CYP4Z1: variants seen among roughly 807,000 people sequenced by gnomAD.
CYP4Z1 encodes the protein cytochrome P450 4Z1.
A neutral mutation model predicts 54.2 loss-of-function variants in CYP4Z1; 41 were observed. The observed-to-expected ratio is 0.76, with a 90% confidence interval of 0.59 to 0.98. The LOEUF is 0.98. Among genes scored for constraint, CYP4Z1 ranks in the 50% least tolerant of loss-of-function variants. CYP4Z1 has a pLI of 0.00. For synonymous variants in CYP4Z1, 163 were observed against 206.2 expected (o/e 0.79, Z 1.79); for missense variants, 513 against 599.0 (o/e 0.86, Z 1.50).
In CYP4Z1 at chr1:47,116,656, A is replaced by C; in HGVS notation, c.1273A>C (p.Asn425His). 6.2e-7 allele frequency: 1 copy of C among 1,606,168 alleles called. No individual in the cohort carries two copies. Among genetic ancestry groups the C allele is most frequent in the Non-Finnish European group, 8.5e-7 (1 of 1,173,492 alleles). Residue 425 changes from asparagine to histidine, a missense_variant, in exon 11 of 12, where the codon AAC becomes CAC. Transcript: ENST00000334194. The stretch of plus-strand genomic sequence containing the variant: ...ATCTTCACTCTCATTACAGGTCTTT[A>C]ACCCCTTGAGATTCTCCAGGGAAAA... ...PYFWEDPQVF[N>H]PLRFSRENSE...
At chr1:47,114,562 C>T (rs61165610) in intron 9 of CYP4Z1, among the ~76,000 whole-genome samples, 11,054 of 152,114 alleles carry the variant, frequency 0.073, 537 homozygotes, top group East Asian at 0.26. Flanking sequence ...AAAGGGCTAA[C>T]ATCCAGAATC....
Position 47,087,749 on chromosome 1 carries a change from G to C in CYP4Z1, c.772+2771G>C, listed in dbSNP as rs1644607694. ...ACACTACATTGAATAGGAGTGGTGA[G>C]AGAGGGCATCCCTGTCTTGTGCCAG... On this transcript the variant is annotated intron_variant, in intron 6 of 11. Coordinates refer to ENST00000334194, the MANE Select transcript of CYP4Z1 (RefSeq NM_178134.3). Among the ~76,000 whole-genome samples, 3 of 152,228 alleles carry C rather than the reference G, an allele frequency of 2.0e-5. 1 individual carries two copies. The South Asian group carries it at 6.2e-4, about 32-fold the overall frequency.
At chr1:47,068,121 A>G (rs1410749980) in intron 1 of CYP4Z1, among the ~76,000 whole-genome samples, 2 of 152,214 alleles carry the variant, frequency 1.3e-5, no homozygotes, top group African/African-American at 4.8e-5. Flanking sequence ...AAAGGAGTAA[A>G]AGGCATGTGA....
At chr1:47,094,965 A>C (rs1273630696) in intron 7 of CYP4Z1, among the ~76,000 whole-genome samples, 2 of 151,828 alleles carry the variant, frequency 1.3e-5, no homozygotes, top group Non-Finnish European at 2.9e-5. Context: ...TGTCTCAAAA[A>C]ATAAATAAAT....
chr1:47,064,792 G>C (rs1644441339), upstream of CYP4Z1, among the ~76,000 whole-genome samples: 1 of 152,154 alleles, frequency 6.6e-6, no homozygotes, highest in Non-Finnish European at 1.5e-5. Context: ...AATTTCTGCT[G>C]TCTTCAGGAG....
At chr1:47,069,475 C>T (rs1442395956) in intron 2 of CYP4Z1, among the ~76,000 whole-genome samples, 1 of 151,994 alleles carries the variant, frequency 6.6e-6, no homozygotes, top group African/African-American at 2.4e-5. Flanking sequence ...GGCACTCTGC[C>T]AGAATCACCA....
chr1:47,104,183 C>A (rs1471140677), intron 8 of CYP4Z1, among the ~76,000 whole-genome samples: 1 of 152,128 alleles, frequency 6.6e-6, no homozygotes, highest in African/African-American at 2.4e-5. Flanking sequence ...TGGGCATGTG[C>A]AGTAGTGTAA....
chr1:47,095,198 C>T (rs1235900210), intron 7 of CYP4Z1, among the ~76,000 whole-genome samples: 1 of 152,140 alleles, frequency 6.6e-6, no homozygotes, highest in African/African-American at 2.4e-5. Flanking sequence ...AGACCAGCAG[C>T]ATTGGTAAAA....
intron 1 of CYP4Z1, 123 bp from the exon 2 acceptor site, chr1:47,068,499 T>G: frequency 7.8e-7 from 1 of 1,284,708 alleles, no homozygotes; most frequent in South Asian, 1.4e-5. Flanking sequence ...CTTCAACAGA[T>G]GTGAACCTGT....
At chr1:47,079,602 C>G (rs1644549333) in intron 2 of CYP4Z1, among the ~76,000 whole-genome samples, 1 of 152,218 alleles carries the variant, frequency 6.6e-6, no homozygotes, top group Admixed American at 6.5e-5. Flanking sequence ...ATCTCTTTTA[C>G]CCATTTCTGA....
At chr1:47,104,284 G>A (rs556597242) in intron 8 of CYP4Z1, among the ~76,000 whole-genome samples, 34 of 152,318 alleles carry the variant, frequency 2.2e-4, no homozygotes, top group African/African-American at 6.7e-4. Context: ...GGAAGCTGTG[G>A]TGAAGTTTTG....
At chr1:47,086,338 C>A (rs901444113) in intron 6 of CYP4Z1, among the ~76,000 whole-genome samples, 1 of 152,238 alleles carries the variant, frequency 6.6e-6, no homozygotes, top group African/African-American at 2.4e-5. Flanking sequence ...TATTTCTCCA[C>A]ATCCTCTCCA....
chr1:47,064,360 A>G (rs1261499507), upstream of CYP4Z1, among the ~76,000 whole-genome samples: 1 of 151,982 alleles, frequency 6.6e-6, no homozygotes, highest in African/African-American at 2.4e-5. Flanking sequence ...GGGATTACAG[A>G]CGGAGCCACA....
intron 6 of CYP4Z1, among the ~76,000 whole-genome samples, chr1:47,091,952 G>A (rs150992808): frequency 0.019 from 2,910 of 151,574 alleles, 52 homozygotes; most frequent in Non-Finnish European, 0.031. Context: ...TCAGAAGGAG[G>A]TCCGCTTTCC....
At chr1:47,084,037 G>C (rs1235765604) in intron 4 of CYP4Z1, among the ~76,000 whole-genome samples, 4 of 151,998 alleles carry the variant, frequency 2.6e-5, no homozygotes, top group South Asian at 2.1e-4. Flanking sequence ...ATAAACATTT[G>C]GCTTTTGACA....
chr1:47,056,036 T>A, the CYP4Z1 span, among the ~76,000 whole-genome samples: 1 of 152,236 alleles, frequency 6.6e-6, no homozygotes, highest in Admixed American at 6.5e-5. Context: ...ATATCTTTCC[T>A]GCTTTCTCTT....
intron 2 of CYP4Z1, among the ~76,000 whole-genome samples, chr1:47,079,925 A>G (rs936092487): frequency 6.7e-6 from 1 of 150,370 alleles, no homozygotes; most frequent in Non-Finnish European, 1.5e-5. Flanking sequence ...ATGCCATAAG[A>G]TATCTTCTTA....
chr1:47,107,182 T>G (rs142193022), intron 9 of CYP4Z1, among the ~76,000 whole-genome samples: 2,403 of 152,352 alleles, frequency 0.016, 26 homozygotes, highest in South Asian at 0.052. Flanking sequence ...TTAACTCATT[T>G]TATCCACCCA....
upstream of CYP4Z1, among the ~76,000 whole-genome samples, chr1:47,065,301 AT>A (rs1644443788): frequency 6.6e-6 from 1 of 152,192 alleles, no homozygotes; most frequent in Non-Finnish European, 1.5e-5. Flanking sequence ...GTCTCAGTAA[AT>A]TTAAGAAAAT....
Sources: gnomAD v4.1 joint callset for allele counts (sites outside exome capture counted in the v4.1 genomes callset) on GRCh38, gnomAD v4.1.1 for gene constraint, MANE v1.5 for transcripts, NCBI Gene and HGNC (gene_info 2026-07-23, HGNC 2026-07-21) for gene names.